MAGI2: variants seen among roughly 807,000 people sequenced by gnomAD.
The protein encoded by MAGI2 is membrane-associated guanylate kinase, WW and PDZ domain-containing protein 2.
MAGI2 carries 35 observed loss-of-function variants against 133.3 expected under a neutral mutation model. That is an observed-to-expected ratio of 0.26 (90% CI 0.20 to 0.35). The LOEUF (loss-of-function observed/expected upper bound fraction) is 0.35, where lower values mean the gene tolerates loss of function less well. Among genes scored for constraint, MAGI2 ranks in the 10% least tolerant of loss-of-function variants. The pLI is 1.00. For missense variants in MAGI2, 1,636 were observed against 1,863.4 expected, an observed-to-expected ratio of 0.88 and a Z score of 2.25; for synonymous variants, 729 against 710.6, an observed-to-expected ratio of 1.03 and a Z score of -0.41.
chr7:79,427,542 C>T (rs1847476335), intron 1 of MAGI2, among the ~76,000 whole-genome samples: 1 of 151,978 alleles, frequency 6.6e-6, no homozygotes, highest in African/African-American at 2.4e-5. Context: ...CATTAGAGTC[C>T]AGCAGAATTT....
intron 2 of MAGI2, among the ~76,000 whole-genome samples, chr7:78,760,111 G>A (rs955099020): frequency 7.4e-5 from 9 of 121,484 alleles, no homozygotes; most frequent in African/African-American, 1.4e-4. Context: ...GCGAGACTCC[G>A]TCTCAAAAAA....
chr7:78,374,922 C>T (rs912191657), intron 6 of MAGI2, among the ~76,000 whole-genome samples: 1 of 152,066 alleles, frequency 6.6e-6, no homozygotes, highest in Non-Finnish European at 1.5e-5. Flanking sequence ...TCACTGCAAC[C>T]TTTACCTCCT....
intron 2 of MAGI2, among the ~76,000 whole-genome samples, chr7:78,786,594 T>C (rs990334964): frequency 5.3e-5 from 8 of 152,196 alleles, no homozygotes; most frequent in Non-Finnish European, 2.9e-5. Context: ...GAGCCCACTA[T>C]AGGGCCTTTG....
intron 20 of MAGI2, among the ~76,000 whole-genome samples, chr7:78,123,452 AG>A (rs1410664984): frequency 6.6e-6 from 1 of 152,232 alleles, no homozygotes; most frequent in Non-Finnish European, 1.5e-5. Context: ...CAATAAAAAA[AG>A]AACAATTATA....
chr7:78,410,695 G>A (rs1049937202), intron 6 of MAGI2, among the ~76,000 whole-genome samples: 2 of 151,902 alleles, frequency 1.3e-5, no homozygotes, highest in East Asian at 3.9e-4. Flanking sequence ...AGGATGCAAA[G>A]CTCAGGGAGA....
At chr7:78,908,569 G>A (rs12112897) in intron 2 of MAGI2, among the ~76,000 whole-genome samples, 18,180 of 152,124 alleles carry the variant, frequency 0.12, 1,265 homozygotes, top group African/African-American at 0.21. Flanking sequence ...ATATTTAGAG[G>A]TAGATTAAAT....
intron 2 of MAGI2, among the ~76,000 whole-genome samples, chr7:78,915,936 A>C (rs1180244123): frequency 6.6e-6 from 1 of 152,082 alleles, no homozygotes; most frequent in Non-Finnish European, 1.5e-5. Context: ...AATTATGTGG[A>C]TATCTGGGGA....
At chr7:78,604,644 A>G (rs1316751353) in intron 3 of MAGI2, among the ~76,000 whole-genome samples, 4 of 152,240 alleles carry the variant, frequency 2.6e-5, no homozygotes, top group Non-Finnish European at 1.5e-5. Flanking sequence ...GAATAGTGAC[A>G]TAAGTAAGTA....
intron 1 of MAGI2, among the ~76,000 whole-genome samples, chr7:79,158,972 A>G (rs1160403727): frequency 6.6e-6 from 1 of 152,078 alleles, no homozygotes; most frequent in Non-Finnish European, 1.5e-5. Flanking sequence ...TATACCTTTT[A>G]CCTTGTTTAT....
intron 1 of MAGI2, among the ~76,000 whole-genome samples, chr7:79,105,130 T>C (rs555555543): frequency 6.6e-6 from 1 of 152,370 alleles, no homozygotes; most frequent in East Asian, 1.9e-4. Flanking sequence ...TCTGAGTGCA[T>C]CAGCCTTTGC....
chr7:78,479,716 A>T (rs1792161615), intron 6 of MAGI2, among the ~76,000 whole-genome samples: 1 of 151,984 alleles, frequency 6.6e-6, no homozygotes, highest in African/African-American at 2.4e-5. Context: ...GTCCAGGATA[A>T]ACATAAATAT....
At chr7:78,468,374 T>C (rs1244961715) in intron 6 of MAGI2, among the ~76,000 whole-genome samples, 1 of 152,054 alleles carries the variant, frequency 6.6e-6, no homozygotes, top group African/African-American at 2.4e-5. Flanking sequence ...CTGTATGAGA[T>C]TAGGGAGTGG....
intron 1 of MAGI2, among the ~76,000 whole-genome samples, chr7:79,223,462 AT>A (rs1830613569): frequency 6.6e-6 from 1 of 151,996 alleles, no homozygotes; most frequent in Admixed American, 6.5e-5. Flanking sequence ...CTCTAGAGAC[AT>A]TTTGTTTGTT....
At chr7:78,320,676 G>C (rs929602654) in intron 9 of MAGI2, among the ~76,000 whole-genome samples, 4 of 152,092 alleles carry the variant, frequency 2.6e-5, no homozygotes. Flanking sequence ...ATACTGAATG[G>C]GAAAAAACTG....
intron 2 of MAGI2, among the ~76,000 whole-genome samples, chr7:78,857,544 A>G (rs1335082570): frequency 6.6e-6 from 1 of 152,028 alleles, no homozygotes; most frequent in Admixed American, 6.6e-5. Context: ...TGTTTATATG[A>G]TGCATTACGT....
chr7:78,661,233 T>C (rs1300909268), intron 2 of MAGI2, among the ~76,000 whole-genome samples: 1 of 98,596 alleles, frequency 1.0e-5, no homozygotes. Context: ...ATGTAAATCC[T>C]AGTCCTCACT....
chr7:78,916,329 G>A (rs886835123), intron 2 of MAGI2, among the ~76,000 whole-genome samples: 12 of 151,912 alleles, frequency 7.9e-5, no homozygotes, highest in East Asian at 1.9e-4. Context: ...ACTCTATCCC[G>A]ATTGCTTTGA....
chr7:78,968,027 C>T (rs1313420925), intron 2 of MAGI2, among the ~76,000 whole-genome samples: 4 of 151,934 alleles, frequency 2.6e-5, no homozygotes, highest in Non-Finnish European at 5.9e-5. Flanking sequence ...GAAGGGGTTT[C>T]ACCATGTTGG....
chr7:78,354,936 G>A (rs1047273600), intron 7 of MAGI2, among the ~76,000 whole-genome samples: 2 of 152,170 alleles, frequency 1.3e-5, no homozygotes, highest in Non-Finnish European at 2.9e-5. Context: ...GAAGATAGAA[G>A]AGGTATGGAG....
Sources: gnomAD v4.1 joint callset for allele counts (sites outside exome capture counted in the v4.1 genomes callset) on GRCh38, gnomAD v4.1.1 for gene constraint, MANE v1.5 for transcripts, NCBI Gene and HGNC (gene_info 2026-07-23, HGNC 2026-07-21) for gene names.